The following CSNK1A1 variants were observed in gnomAD, a reference collection of about 807,000 sequenced individuals.
The protein encoded by CSNK1A1 is casein kinase I isoform alpha.
A neutral mutation model predicts 46.1 loss-of-function variants in CSNK1A1; 7 were observed. That is an observed-to-expected ratio of 0.15 (90% confidence interval 0.09 to 0.29). The LOEUF (loss-of-function observed/expected upper bound fraction) is 0.29. Ranked by LOEUF, CSNK1A1 falls within the 10% of genes least tolerant of loss-of-function variation. CSNK1A1 has a pLI of 1.00. For synonymous variants in CSNK1A1, 137 were observed against 141.5 expected (o/e 0.97, Z 0.23); for missense variants, 96 against 417.1 (o/e 0.23, Z 6.71).
intron 2 of CSNK1A1, among the ~76,000 whole-genome samples, chr5:149,533,979 G>T (rs1761975139): frequency 6.6e-6 from 1 of 152,178 alleles, no homozygotes; most frequent in Non-Finnish European, 1.5e-5. Context: ...TTTTTGGCAT[G>T]AGGAAAATAT....
chr5:149,541,821 A>G (rs1379620403), intron 2 of CSNK1A1, among the ~76,000 whole-genome samples: 1 of 151,890 alleles, frequency 6.6e-6, no homozygotes, highest in Non-Finnish European at 1.5e-5. Context: ...ACTAAAAAAA[A>G]TTAGCCAGGC....
intron 2 of CSNK1A1, among the ~76,000 whole-genome samples, chr5:149,534,765 C>G (rs982991293): frequency 6.6e-6 from 1 of 151,166 alleles, no homozygotes; most frequent in Non-Finnish European, 1.5e-5. Flanking sequence ...CCCGGTCTCT[C>G]TATGAAAAAT....
At position 149,525,142 on chromosome 5, in the gene CSNK1A1, A is replaced by C; in HGVS notation, c.260T>G (p.Val87Gly). The part of the protein sequence containing the change: ...RWYGQEKDYN[V>G]LVMDLLGPSL... ...AGGTCCCAGAAGATCCATGACTAGT[A>C]CATTGTAGTCTTTTTCCTGACCATA... The change falls in exon 3 of 10, where the codon GTA (valine) becomes GGA (glycine). Residue 87 changes from valine (V) to glycine (G), a missense_variant. By Grantham distance (109) the Val-to-Gly change is moderately radical. Coordinates refer to ENST00000377843, the MANE Select transcript of CSNK1A1 (RefSeq NM_001892.6). The surrounding 1 kb of genome is among the most constrained non-coding windows in gnomAD (Gnocchi z 4.2). 1 of 1,612,308 alleles carries C rather than the reference A, an allele frequency of 6.2e-7. No individual in the cohort carries two copies. The highest frequency in any genetic ancestry group is 8.5e-7 in the Non-Finnish European group (1 of 1,179,376).
intron 9 of CSNK1A1, chr5:149,502,253 T>C: frequency 1.5e-5 from 14 of 942,900 alleles, no homozygotes; most frequent in Non-Finnish European, 1.8e-5. Context: ...AGAGATTTAC[T>C]TGCTTAAAAT....
At chr5:149,523,834 T>C (rs1192655217) in intron 3 of CSNK1A1, among the ~76,000 whole-genome samples, 1 of 152,244 alleles carries the variant, frequency 6.6e-6, no homozygotes, top group East Asian at 1.9e-4. Context: ...AATTCTACTC[T>C]TCTAGCTATT....
chr5:149,509,772 G>T, intron 7 of CSNK1A1, 107 bp downstream of exon 7: 1 of 634,170 alleles, frequency 1.6e-6, no homozygotes, highest in Non-Finnish European at 2.6e-6. Context: ...GAACTCCTGG[G>T]CTCATGTGAC....
chr5:149,535,370 A>G (rs1235848081), intron 2 of CSNK1A1, among the ~76,000 whole-genome samples: 2 of 152,144 alleles, frequency 1.3e-5, no homozygotes, highest in Non-Finnish European at 2.9e-5. Context: ...TTACTACACA[A>G]GAGTAAAACA....
At chr5:149,534,660 A>T (rs1762007005) in intron 2 of CSNK1A1, among the ~76,000 whole-genome samples, 1 of 151,578 alleles carries the variant, frequency 6.6e-6, no homozygotes, top group Non-Finnish European at 1.5e-5. Flanking sequence ...GAGCCATGCG[A>T]TAGCTCACAC....
intron 2 of CSNK1A1, among the ~76,000 whole-genome samples, chr5:149,542,909 G>A (rs982269138): frequency 6.6e-6 from 1 of 150,662 alleles, no homozygotes; most frequent in Non-Finnish European, 1.5e-5. Context: ...TGGCCAGCCT[G>A]GTTTCGAACT....
At position 149,493,745 on chromosome 5, in the gene CSNK1A1, C is replaced by G. The variant is rs553840133; in HGVS notation, c.*3108G>C. On this transcript the variant is annotated 3_prime_UTR_variant, in exon 10 of 10. Transcript: ENST00000377843. ...CATTTAAAGTATAGTCTCACAAAGT[C>G]TCACTTAAGAGAGCAGCACACCCAG... The G allele has an allele frequency of 2.2e-4, 34 of 152,250 alleles. No individual in the cohort carries two copies. The highest frequency in any genetic ancestry group is 7.2e-4 in the African/African-American group (30 of 41,548). The allele number at this position is 152,250 out of a possible 1,614,324, so 9.4% of individuals were successfully genotyped here.
At chr5:149,510,014 T>C (rs757887456) in intron 6 of CSNK1A1, 61 bp from the exon 7 acceptor site, 66 of 1,118,590 alleles carry the variant, frequency 5.9e-5, no homozygotes, top group Non-Finnish European at 8.4e-5. Flanking sequence ...ACCATGGTAG[T>C]TTAACGCACT....
At chr5:149,529,718 T>C (rs1281525817) in intron 2 of CSNK1A1, 7 of 456,148 alleles carry the variant, frequency 1.5e-5, no homozygotes, top group Non-Finnish European at 3.1e-5. Flanking sequence ...GAGCTTTACA[T>C]GCTGTAAATA....
At chr5:149,538,681 G>A (rs1181597837) in intron 2 of CSNK1A1, among the ~76,000 whole-genome samples, 1 of 152,162 alleles carries the variant, frequency 6.6e-6, no homozygotes, top group Non-Finnish European at 1.5e-5. Context: ...CCAGCACTTT[G>A]GGAGGCCAAG....
At chr5:149,543,008 T>C (rs1457364842) in intron 2 of CSNK1A1, among the ~76,000 whole-genome samples, 1 of 151,894 alleles carries the variant, frequency 6.6e-6, no homozygotes, top group East Asian at 1.9e-4. Context: ...AATTAATAAT[T>C]TCCAGCAAGT....
At chr5:149,529,459 G>A (rs558018624) in intron 2 of CSNK1A1, 6 of 235,906 alleles carry the variant, frequency 2.5e-5, no homozygotes, top group African/African-American at 1.4e-4. Context: ...AAGTCAATGA[G>A]GCTGACAAAA....
At chr5:149,547,852 TTTG>T (rs1175598735) in intron 2 of CSNK1A1, among the ~76,000 whole-genome samples, 3 of 151,548 alleles carry the variant, frequency 2.0e-5, no homozygotes, top group Admixed American at 1.3e-4. Flanking sequence ...GCATTGGAAC[TTTG>T]TTTTTTTTTT....
In CSNK1A1 at chr5:149,496,758, G is replaced by A; in HGVS notation, c.*95C>T. On this transcript the variant is annotated 3_prime_UTR_variant, in exon 10 of 10. Transcript: ENST00000377843. ...AAGTAAATGGTTGTCCACAACCACT[G>A]GCTAGTGTACATATGAACTAAAATT... The A allele has an allele frequency of 2.0e-6, 3 of 1,493,082 alleles. No individual in the cohort carries two copies. The highest frequency in any genetic ancestry group is 1.3e-5 in the South Asian group (1 of 76,828). 92.5% of individuals were successfully genotyped at this position (1,493,082 alleles called of 1,614,324 possible). A position where few individuals can be genotyped will look rare whatever the true frequency, so the allele number is the denominator to read the frequency against.
intron 2 of CSNK1A1, among the ~76,000 whole-genome samples, chr5:149,527,573 T>C (rs1393134013): frequency 6.6e-6 from 1 of 152,218 alleles, no homozygotes; most frequent in African/African-American, 2.4e-5. Context: ...CAGTGATGCT[T>C]TGGGTAATAC....
chr5:149,496,777 TA>T lies in CSNK1A1; in HGVS notation c.*75del. On this transcript the variant is annotated 3_prime_UTR_variant, in exon 10 of 10. Transcript: ENST00000377843. ...ACCACTGGCTAGTGTACATATGAACTAAAATTTCTAGATTTGGGGAGAAACA... is the reference window on the plus strand; with the variant it reads ...ACCACTGGCTAGTGTACATATGAACTAAATTTCTAGATTTGGGGAGAAACA... The T allele has an allele frequency of 3.3e-6, 5 of 1,531,968 alleles. No homozygotes were observed. Among genetic ancestry groups the T allele is most frequent in the Non-Finnish European group, 4.4e-6 (5 of 1,142,634 alleles). The allele number at this position is 1,531,968 out of a possible 1,614,324, so 94.9% of individuals were successfully genotyped here.
Sources: gnomAD v4.1 joint callset for allele counts (sites outside exome capture counted in the v4.1 genomes callset) on GRCh38, gnomAD v4.1.1 for gene constraint, Gnocchi (gnomAD v3.1) non-coding constraint, MANE v1.5 for transcripts, NCBI Gene and HGNC (gene_info 2026-07-23, HGNC 2026-07-21) for gene names.